Variants in C1QTNF6 observed in about 807,000 individuals in gnomAD.
The protein encoded by C1QTNF6 is C1q and TNF related 6.
In C1QTNF6, 17 loss-of-function variants were observed where a neutral mutation model predicts 20.7. The ratio of observed to expected loss-of-function variants is 0.82; its 90% CI spans 0.56 to 1.23. The LOEUF (loss-of-function observed/expected upper bound fraction) is 1.23. Among genes scored for constraint, C1QTNF6 ranks in the 50% most tolerant of loss-of-function variants. C1QTNF6 has a pLI of 0.00. For missense variants in C1QTNF6, 329 were observed against 389.7 expected, an observed-to-expected ratio of 0.84 and a Z score of 1.31; for synonymous variants, 130 against 156.3, an observed-to-expected ratio of 0.83 and a Z score of 1.25.
upstream of C1QTNF6, among the ~76,000 whole-genome samples, chr22:37,189,472 C>A (rs770728874): frequency 6.6e-6 from 1 of 152,128 alleles, no homozygotes; most frequent in South Asian, 2.1e-4. Flanking sequence ...ATTTTGAACA[C>A]CTCTGACATA....
At chr22:37,187,748 G>A (rs1381838117) in intron 1 of C1QTNF6, among the ~76,000 whole-genome samples, 1 of 152,150 alleles carries the variant, frequency 6.6e-6, no homozygotes, top group East Asian at 1.9e-4. Context: ...GCAGGAATCA[G>A]GAAGCCGTTA....
upstream of C1QTNF6, chr22:37,191,550 G>A (rs1019387767): frequency 2.0e-5 from 3 of 152,210 alleles, no homozygotes; most frequent in Middle Eastern, 3.4e-3. Flanking sequence ...TGGAAAGTTT[G>A]TCAAATATCA....
At chr22:37,197,123 G>C (rs936901305) in intron 1 of C1QTNF6, 1 of 152,344 alleles carries the variant, frequency 6.6e-6, no homozygotes, top group Non-Finnish European at 1.5e-5. Flanking sequence ...AACCGACTTG[G>C]AATCCCCCAG....
At chr22:37,183,995 C>T (rs1232532936) in intron 2 of C1QTNF6, among the ~76,000 whole-genome samples, 1 of 152,140 alleles carries the variant, frequency 6.6e-6, no homozygotes, top group Admixed American at 6.5e-5. Context: ...GCAGCCTACC[C>T]ACCTCCCAGC....
chr22:37,195,315 C>T (rs1175315598), intron 2 of C1QTNF6: 1 of 152,222 alleles, frequency 6.6e-6, no homozygotes, highest in African/African-American at 2.4e-5. Flanking sequence ...CTTTAACCCC[C>T]TATTTCTGAG....
At chr22:37,196,084 G>A (rs1253938887) in intron 1 of C1QTNF6, 1 of 152,246 alleles carries the variant, frequency 6.6e-6, no homozygotes, top group African/African-American at 2.4e-5. Flanking sequence ...AAGATGGAGT[G>A]GCTCTGGTTC....
chr22:37,194,417 T>C (rs1265877387), intron 2 of C1QTNF6, among the ~76,000 whole-genome samples: 1 of 152,226 alleles, frequency 6.6e-6, no homozygotes, highest in Non-Finnish European at 1.5e-5. Flanking sequence ...GTGATTTTTA[T>C]CATTTATTCA....
At chr22:37,193,050 G>C, upstream of C1QTNF6, among the ~76,000 whole-genome samples, 1 of 152,106 alleles carries the variant, frequency 6.6e-6, no homozygotes, top group East Asian at 1.9e-4. Context: ...TCAATGGAGG[G>C]TGGGGACACT....
At chr22:37,188,000 T>A (rs561509708) in intron 1 of C1QTNF6, among the ~76,000 whole-genome samples, 163 bp downstream of exon 1, 48 of 152,072 alleles carry the variant, frequency 3.2e-4, no homozygotes, top group Admixed American at 5.9e-4. Context: ...AGCGCAGCCC[T>A]CAGCCAGAGG....
rs1018662819 is a variant in C1QTNF6, at chr22:37,184,400, C to T, written c.289+818G>A. The T allele has an allele frequency of 4.2e-6, 3 of 717,238 alleles. No homozygotes were observed. Among genetic ancestry groups the T allele is most frequent in the African/African-American group, 3.5e-5 (2 of 57,242 alleles). The allele number at this position is 717,238 out of a possible 1,614,324, so 44.4% of individuals were successfully genotyped here. ...GTCAAGGCCTGGTCACAGCCGTCAG[C>T]CACCACAGCCTGGAAGGGAAGCGAG... On this transcript the variant is annotated intron_variant, in intron 2 of 2. Coordinates refer to ENST00000337843, the MANE Select transcript of C1QTNF6 (RefSeq NM_031910.4). This position sits in a 1 kb window ranked among gnomAD's most constrained non-coding sequence, Gnocchi z 4.0.
chr22:37,189,120 G>A (rs1924641996), upstream of C1QTNF6, among the ~76,000 whole-genome samples: 1 of 152,200 alleles, frequency 6.6e-6, no homozygotes, highest in Non-Finnish European at 1.5e-5. Flanking sequence ...CCCCCTTTTA[G>A]ACAATATAGG....
At chr22:37,191,966 C>A (rs929908432), upstream of C1QTNF6, among the ~76,000 whole-genome samples, 2 of 152,174 alleles carry the variant, frequency 1.3e-5, no homozygotes, top group Non-Finnish European at 2.9e-5. Flanking sequence ...AAAGAGTATA[C>A]CAGTGCTCTA....
upstream of C1QTNF6, among the ~76,000 whole-genome samples, chr22:37,192,202 T>A (rs1415218311): frequency 6.6e-6 from 1 of 152,244 alleles, no homozygotes; most frequent in Non-Finnish European, 1.5e-5. Context: ...TTTCTTATAA[T>A]CTTCTTACCA....
At chr22:37,187,716 GAC>G (rs1224807727) in intron 1 of C1QTNF6, among the ~76,000 whole-genome samples, 1 of 152,136 alleles carries the variant, frequency 6.6e-6, no homozygotes, top group Non-Finnish European at 1.5e-5. Flanking sequence ...AAGGCTGTGA[GAC>G]ACAGAACCGT....
intron 2 of C1QTNF6, among the ~76,000 whole-genome samples, chr22:37,194,107 A>C (rs1021983276): frequency 1.3e-5 from 2 of 149,032 alleles, no homozygotes; most frequent in Non-Finnish European, 3.0e-5. Context: ...GTACTCCCAC[A>C]CGGTCACAAG....
intron 2 of C1QTNF6, 132 bp downstream of exon 2, chr22:37,185,086 G>A: frequency 3.5e-6 from 5 of 1,425,812 alleles, no homozygotes; most frequent in Non-Finnish European, 4.6e-6. Context: ...GAACAGACCA[G>A]GCTCACATTG....
In C1QTNF6 at chr22:37,182,193, C is replaced by T. The variant is rs140234868; in HGVS notation, c.832G>A (p.Asp278Asn). Residue 278 changes from aspartate to asparagine, a missense_variant, in exon 3 of 3, where the codon GAC (aspartate) becomes AAC (asparagine). Transcript: ENST00000337843. ...FSGHLIKAED[D>N] The stretch of plus-strand genomic sequence containing the variant: ...GGAGGGTGGCCCAGAGGCCCTCAGT[C>T]GTCCTCGGCCTTGATGAGGTGGCCG... 28 of 1,607,790 alleles carry T rather than the reference C, an allele frequency of 1.7e-5. No homozygotes were observed. Among genetic ancestry groups the T allele is most frequent in the Middle Eastern group, 1.7e-4 (1 of 6,046 alleles).
upstream of C1QTNF6, chr22:37,190,708 G>A (rs1924765783): frequency 6.7e-6 from 1 of 148,730 alleles, no homozygotes; most frequent in Non-Finnish European, 1.5e-5. Flanking sequence ...GAAGAAAGAA[G>A]GAAAAACAGA....
rs888660480 is a variant in C1QTNF6, at chr22:37,182,792, G to A, written c.290-57C>T. ...GGACATCTGAGCCTGCTCCAAGGAG[G>A]TGCCCACACTCATCTGTGACGGCTC... is the stretch of plus-strand genomic sequence containing the variant. On this transcript the variant is annotated intron_variant, in intron 2 of 2. Transcript: ENST00000337843. The A allele has an allele frequency of 8.7e-6, 13 of 1,497,346 alleles. No individual in the cohort carries two copies. The Admixed American group carries it at 2.7e-4, about 31-fold the overall frequency. 92.8% of individuals were successfully genotyped at this position (1,497,346 alleles called of 1,614,324 possible).
Sources: allele counts gnomAD v4.1 joint callset (sites outside exome capture counted in the v4.1 genomes callset), GRCh38; gene constraint gnomAD v4.1.1; non-coding constraint Gnocchi (gnomAD v3.1); transcripts MANE v1.5; gene names NCBI Gene and HGNC (gene_info 2026-07-23, HGNC 2026-07-21).